Variants in ANKRD44 observed in about 807,000 individuals in gnomAD.
ANKRD44 encodes ankyrin repeat domain 44.
ANKRD44 carries 35 observed loss-of-function variants against 116.0 expected under a neutral mutation model. The ratio of observed to expected loss-of-function variants is 0.30; its 90% CI spans 0.23 to 0.40. ANKRD44 has a LOEUF of 0.40. ANKRD44 is among the 10% of genes least tolerant of loss of function. ANKRD44 has a pLI of 1.00. For synonymous variants in ANKRD44, 435 were observed against 461.8 expected, an observed-to-expected ratio of 0.94 and a Z score of 0.74; for missense variants, 1,014 against 1,242.6, an observed-to-expected ratio of 0.82 and a Z score of 2.77.
chr2:197,124,693 T>C (rs1282127959), intron 6 of ANKRD44, among the ~76,000 whole-genome samples: 4 of 152,214 alleles, frequency 2.6e-5, no homozygotes, highest in Non-Finnish European at 4.4e-5. Context: ...ATTTTTCTAA[T>C]GGCAGGATGT....
chr2:197,289,610 G>A (rs1301771147), intron 1 of ANKRD44, among the ~76,000 whole-genome samples: 2 of 152,142 alleles, frequency 1.3e-5, no homozygotes, highest in African/African-American at 2.4e-5. Flanking sequence ...AGCAAAAGAA[G>A]CCAGAAACTA....
At chr2:197,024,283 T>C (rs1353198360) in intron 17 of ANKRD44, among the ~76,000 whole-genome samples, 2 of 152,188 alleles carry the variant, frequency 1.3e-5, no homozygotes, top group Non-Finnish European at 2.9e-5. Context: ...CCCAGCCCCT[T>C]CCCATTCTTC....
rs547146029 is a variant in ANKRD44 at position 197,209,283 on chromosome 2, T to A, written c.28-22177A>T. On this transcript the variant is annotated intron_variant, in intron 1 of 27. Coordinates refer to ENST00000282272, the MANE Select transcript of ANKRD44 (RefSeq NM_001195144.2). ...TAAATATAAAATCTATAGATAATCA[T>A]GAAAAACAAGTTTTAGTTGGCATCC... Among the ~76,000 whole-genome samples the A allele has an allele frequency of 2.0e-5, 3 of 152,326 alleles. No homozygotes were observed. In the South Asian group the frequency reaches 6.2e-4, roughly 32 times the overall value.
chr2:197,078,647 T>A, intron 16 of ANKRD44, 56 bp downstream of exon 16: 1 of 1,593,640 alleles, frequency 6.3e-7, no homozygotes, highest in Non-Finnish European at 8.6e-7. Context: ...AATGCCTCTG[T>A]GATTTGGGGT....
chr2:197,213,542 G>C (rs528276983), intron 1 of ANKRD44, among the ~76,000 whole-genome samples: 2 of 152,240 alleles, frequency 1.3e-5, no homozygotes, highest in East Asian at 3.9e-4. Context: ...GCAAAGCACT[G>C]ATAAATATTT....
chr2:197,099,589 C>T, intron 10 of ANKRD44: 1 of 1,217,680 alleles, frequency 8.2e-7, no homozygotes, highest in Non-Finnish European at 1.0e-6. Context: ...TTAATTAAAA[C>T]CACTGAAATA....
rs2075860879 is a variant in ANKRD44, at chr2:196,988,172, A to T, written c.*1419T>A. The T allele has an allele frequency of 1.0e-6, 1 of 985,322 alleles. No homozygotes were observed. Among genetic ancestry groups the T allele is most frequent in the Non-Finnish European group, 1.2e-6 (1 of 829,948 alleles). 61.0% of individuals were successfully genotyped at this position (985,322 alleles called of 1,614,324 possible). ...GTACTCTCTGCTACACGACAGGAAA[A>T]ATGTTAACGCTGCTTTGCCATTAAA... is the stretch of plus-strand genomic sequence containing the variant. On this transcript the variant is annotated 3_prime_UTR_variant, in exon 28 of 28. Coordinates refer to ENST00000282272, the MANE Select transcript of ANKRD44 (RefSeq NM_001195144.2).
chr2:197,240,558 C>T (rs1215140508), intron 1 of ANKRD44, among the ~76,000 whole-genome samples: 3 of 151,120 alleles, frequency 2.0e-5, no homozygotes, highest in South Asian at 2.1e-4. Context: ...GCAACAGTTG[C>T]TAGAAGCTTA....
chr2:197,092,345 A>T (rs1271931980), intron 10 of ANKRD44, among the ~76,000 whole-genome samples: 1 of 152,234 alleles, frequency 6.6e-6, no homozygotes, highest in East Asian at 1.9e-4. Context: ...ATAAAGAAAC[A>T]CATATGATTT....
intron 16 of ANKRD44, among the ~76,000 whole-genome samples, chr2:197,061,893 GC>G (rs1405057396): frequency 4.0e-5 from 6 of 150,632 alleles, no homozygotes; most frequent in African/African-American, 1.5e-4. Context: ...CAATTCTCCT[GC>G]CTCAGCTTCC....
chr2:197,182,475 A>C (rs528934794), intron 2 of ANKRD44, among the ~76,000 whole-genome samples: 5 of 152,322 alleles, frequency 3.3e-5, no homozygotes, highest in African/African-American at 1.2e-4. Context: ...AATGAACTAT[A>C]AGCTACCAAA....
At position 197,260,063 on chromosome 2, in the gene ANKRD44, C is replaced by A. The variant is rs114705640; in HGVS notation, c.27+50515G>T. 1.0e-3 allele frequency among the ~76,000 whole-genome samples: 154 copies of A among 152,256 alleles called. 1 individual carries two copies. Among genetic ancestry groups the A allele is most frequent in the African/African-American group, 3.7e-3 (153 of 41,558 alleles). On this transcript the variant is annotated intron_variant, in intron 1 of 27. Transcript: ENST00000282272. ...GACTACTTTTCCTAGAAACAGAGAC[C>A]TAAACCAAACAATATTTTTAAAATT...
chr2:197,269,212 A>AT (rs1359047730), intron 1 of ANKRD44, among the ~76,000 whole-genome samples: 1 of 152,198 alleles, frequency 6.6e-6, no homozygotes, highest in African/African-American at 2.4e-5. Flanking sequence ...GCAGAGTAAC[A>AT]TTTTATCCCT....
chr2:197,241,625 A>C (rs2082091684), intron 1 of ANKRD44, among the ~76,000 whole-genome samples: 1 of 152,188 alleles, frequency 6.6e-6, no homozygotes, highest in African/African-American at 2.4e-5. Flanking sequence ...GTAAAATTTA[A>C]AAAAAACATT....
chr2:196,974,215 T>G (rs960546550), intron 21 of ANKRD44, among the ~76,000 whole-genome samples: 2 of 152,086 alleles, frequency 1.3e-5, no homozygotes, highest in African/African-American at 2.4e-5. Context: ...CCTGAGTAGC[T>G]GGGACTACAG....
chr2:197,163,103 C>T (rs2080010861), intron 2 of ANKRD44, among the ~76,000 whole-genome samples: 1 of 152,204 alleles, frequency 6.6e-6, no homozygotes, highest in African/African-American at 2.4e-5. Flanking sequence ...AGGGCTTGGC[C>T]TTGTTTCAAA....
At chr2:197,235,676 C>T (rs2081962784) in intron 1 of ANKRD44, among the ~76,000 whole-genome samples, 1 of 142,792 alleles carries the variant, frequency 7.0e-6, no homozygotes, top group Non-Finnish European at 1.5e-5. Context: ...ACTATAAAAA[C>T]AGCTGGGGAG....
intron 17 of ANKRD44, among the ~76,000 whole-genome samples, chr2:197,016,626 T>C (rs926669796): frequency 2.0e-5 from 3 of 152,216 alleles, no homozygotes; most frequent in African/African-American, 7.2e-5. Context: ...GTGGAGAGAA[T>C]GGATATCTGT....
At chr2:197,254,073 T>TA (rs1451125981) in intron 1 of ANKRD44, among the ~76,000 whole-genome samples, 2 of 152,110 alleles carry the variant, frequency 1.3e-5, no homozygotes, top group African/African-American at 4.8e-5. Flanking sequence ...AAATACTCAA[T>TA]AACTCAACAT....
Sources: gnomAD v4.1 joint callset for allele counts (sites outside exome capture counted in the v4.1 genomes callset) on GRCh38, gnomAD v4.1.1 for gene constraint, MANE v1.5 for transcripts, NCBI Gene and HGNC (gene_info 2026-07-23, HGNC 2026-07-21) for gene names.